The following PAQR8 variants were observed in gnomAD, a reference collection of about 807,000 sequenced individuals.
The protein encoded by PAQR8 is progestin and adipoQ receptor family member 8.
In PAQR8, 17 loss-of-function variants were observed where a neutral mutation model predicts 25.2. The ratio of observed to expected loss-of-function variants is 0.67; its 90% CI spans 0.46 to 1.01. The LOEUF is 1.01. PAQR8 is among the 50% of genes least tolerant of loss of function. The pLI is 0.00. For synonymous variants in PAQR8, 204 were observed against 190.6 expected, an observed-to-expected ratio of 1.07 and a Z score of -0.58; for missense variants, 392 against 448.4, an observed-to-expected ratio of 0.87 and a Z score of 1.14.
intron 1 of PAQR8, among the ~76,000 whole-genome samples, chr6:52,369,249 G>A (rs1763389897): frequency 6.6e-6 from 1 of 152,146 alleles, no homozygotes. Flanking sequence ...GGGTGACCTG[G>A]TTCCTGACTT....
chr6:52,371,913 C>T (rs899578169), intron 1 of PAQR8, among the ~76,000 whole-genome samples: 3 of 152,120 alleles, frequency 2.0e-5, no homozygotes, highest in African/African-American at 7.2e-5. Flanking sequence ...GGCATGAAAT[C>T]GTGTTTGGAA....
At chr6:52,368,045 C>T (rs1016304655) in intron 1 of PAQR8, among the ~76,000 whole-genome samples, 1 of 152,096 alleles carries the variant, frequency 6.6e-6, no homozygotes, top group South Asian at 2.1e-4. Context: ...GCCTGGGCAA[C>T]ATGGCAAGAC....
At chr6:52,396,209 A>C (rs1042708041) in intron 1 of PAQR8, among the ~76,000 whole-genome samples, 2 of 152,204 alleles carry the variant, frequency 1.3e-5, no homozygotes, top group African/African-American at 4.8e-5. Flanking sequence ...GCCAGAGTCT[A>C]ATGAAGGCTG....
chr6:52,363,758 C>T (rs1274206801), intron 1 of PAQR8, among the ~76,000 whole-genome samples: 2 of 152,158 alleles, frequency 1.3e-5, no homozygotes, highest in African/African-American at 4.8e-5. Flanking sequence ...ACAACGTGTA[C>T]CCAGCCCTGA....
At position 52,405,346 on chromosome 6, in the gene PAQR8, C is replaced by T. The variant is rs1321061405; in HGVS notation, c.*1068C>T. On this transcript the variant is annotated 3_prime_UTR_variant, in exon 2 of 2. Transcript: ENST00000442253. ...CAAAACTAACCTAGTTCAGGGTTCT[C>T]AGGCAGGCAGTTCTGCTTCAGCTTA... The T allele has an allele frequency of 1.2e-5, 2 of 167,102 alleles. No homozygotes were observed. The highest frequency in any genetic ancestry group is 2.9e-5 in the Non-Finnish European group (2 of 68,130). 10.4% of individuals were successfully genotyped at this position (167,102 alleles called of 1,614,324 possible). A position where few individuals can be genotyped will look rare whatever the true frequency, so the allele number is the denominator to read the frequency against.
At chr6:52,375,950 T>C (rs1332909389) in intron 1 of PAQR8, among the ~76,000 whole-genome samples, 2 of 152,200 alleles carry the variant, frequency 1.3e-5, no homozygotes, top group Non-Finnish European at 2.9e-5. Flanking sequence ...GGAAGAAAAA[T>C]GCTAATGCAG....
At chr6:52,381,652 A>G (rs1763561173) in intron 1 of PAQR8, among the ~76,000 whole-genome samples, 1 of 152,226 alleles carries the variant, frequency 6.6e-6, no homozygotes, top group South Asian at 2.1e-4. Context: ...CCCTACTCCA[A>G]TTTTTGTTAA....
At position 52,404,544 on chromosome 6, in the gene PAQR8, G is replaced by T; in HGVS notation, c.*266G>T. On this transcript the variant is annotated 3_prime_UTR_variant, in exon 2 of 2. Transcript: ENST00000442253. Reference sequence around the variant, plus strand: ...TAAGATTCATGAGACATTGAATTAAGGAGAATCATCTTCATGCCTGAAAAT... The same window carrying T: ...TAAGATTCATGAGACATTGAATTAATGAGAATCATCTTCATGCCTGAAAAT... The T allele has an allele frequency of 2.9e-6, 1 of 345,156 alleles. No individual in the cohort carries two copies. Among genetic ancestry groups the T allele is most frequent in the Non-Finnish European group, 5.5e-6 (1 of 180,936 alleles). 21.4% of individuals were successfully genotyped at this position (345,156 alleles called of 1,614,324 possible).
intron 1 of PAQR8, among the ~76,000 whole-genome samples, chr6:52,387,918 T>C (rs1763651606): frequency 6.6e-6 from 1 of 152,258 alleles, no homozygotes. Flanking sequence ...GCAAAGGATC[T>C]AGGTTGTACT....
At chr6:52,389,316 T>A (rs1763669441) in intron 1 of PAQR8, among the ~76,000 whole-genome samples, 1 of 152,240 alleles carries the variant, frequency 6.6e-6, no homozygotes, top group Non-Finnish European at 1.5e-5. Context: ...TGAACAATGA[T>A]CTATTGACAC....
intron 1 of PAQR8, among the ~76,000 whole-genome samples, chr6:52,377,434 G>GTT (rs1465969910): frequency 6.6e-6 from 1 of 152,064 alleles, no homozygotes; most frequent in Non-Finnish European, 1.5e-5. Context: ...AAGAAGGAAA[G>GTT]TTTTAAGTTT....
intron 1 of PAQR8, among the ~76,000 whole-genome samples, chr6:52,363,420 C>A (rs995336607): frequency 6.6e-6 from 1 of 152,168 alleles, no homozygotes; most frequent in Non-Finnish European, 1.5e-5. Flanking sequence ...AGTGAGATTT[C>A]AAATGTACAG....
intron 1 of PAQR8, among the ~76,000 whole-genome samples, chr6:52,401,540 G>A (rs1439285125): frequency 6.6e-6 from 1 of 152,166 alleles, no homozygotes; most frequent in South Asian, 2.1e-4. Flanking sequence ...TTCACCGAGT[G>A]CAGTTTTAAT....
At chr6:52,381,021 G>A (rs931634055) in intron 1 of PAQR8, among the ~76,000 whole-genome samples, 49 of 152,198 alleles carry the variant, frequency 3.2e-4, no homozygotes, top group African/African-American at 1.1e-3. Context: ...CTCTACTTTG[G>A]AACAGGAAAA....
intron 1 of PAQR8, among the ~76,000 whole-genome samples, chr6:52,385,014 C>CA (rs770249701): frequency 6.6e-6 from 1 of 152,200 alleles, no homozygotes; most frequent in Non-Finnish European, 1.5e-5. Flanking sequence ...AAAATTAACT[C>CA]ACAATGGATT....
At chr6:52,395,930 G>A (rs1002286397) in intron 1 of PAQR8, among the ~76,000 whole-genome samples, 9 of 152,200 alleles carry the variant, frequency 5.9e-5, no homozygotes, top group Admixed American at 5.2e-4. Flanking sequence ...AATACTAATA[G>A]CCAGACTTCC....
Position 52,362,411 on chromosome 6 carries a change from T to C in PAQR8, c.-53+162T>C, listed in dbSNP as rs529863794. 2.6e-5 allele frequency: 4 copies of C among 152,408 alleles called. No individual in the cohort carries two copies. The highest frequency in any genetic ancestry group is 7.2e-5 in the African/African-American group (3 of 41,568). The allele number at this position is 152,408 out of a possible 1,614,324, so 9.4% of individuals were successfully genotyped here. A position where few individuals can be genotyped will look rare whatever the true frequency, so the allele number is the denominator to read the frequency against. On this transcript the variant is annotated intron_variant, in intron 1 of 1. Coordinates refer to ENST00000442253, the MANE Select transcript of PAQR8 (RefSeq NM_133367.5). This position sits in a 1 kb window ranked among gnomAD's most constrained non-coding sequence, Gnocchi z 4.1. ...AGAGGGGAGGTCCAGAGTCGCAGCG[T>C]TGGGAACCTGAGGCCAGGGGCCGGA...
At chr6:52,369,598 T>C (rs1763393663) in intron 1 of PAQR8, among the ~76,000 whole-genome samples, 1 of 152,186 alleles carries the variant, frequency 6.6e-6, no homozygotes, top group African/African-American at 2.4e-5. Context: ...AAGATGGACA[T>C]AAAATATACA....
rs1348130721 is a variant in PAQR8, at chr6:52,406,819, T to A, written c.*2541T>A. Reference sequence around the variant, plus strand: ...CTCAAGTGATCCGCCCACCTCAGCCTCCCAAAGTGTTGGGATTACAGACAT... The same window carrying A: ...CTCAAGTGATCCGCCCACCTCAGCCACCCAAAGTGTTGGGATTACAGACAT... On this transcript the variant is annotated 3_prime_UTR_variant, in exon 2 of 2. Transcript: ENST00000442253. 2.9e-6 allele frequency: 1 copy of A among 344,198 alleles called. No individual in the cohort carries two copies. The highest frequency in any genetic ancestry group is 4.6e-5 in the East Asian group (1 of 21,548). The allele number at this position is 344,198 out of a possible 1,614,324, so 21.3% of individuals were successfully genotyped here. A position where few individuals can be genotyped will look rare whatever the true frequency, so the allele number is the denominator to read the frequency against.
Sources: allele counts gnomAD v4.1 joint callset (sites outside exome capture counted in the v4.1 genomes callset), GRCh38; gene constraint gnomAD v4.1.1; non-coding constraint Gnocchi (gnomAD v3.1); transcripts MANE v1.5; gene names NCBI Gene and HGNC (gene_info 2026-07-23, HGNC 2026-07-21).